UNC13C: variants seen among roughly 807,000 people sequenced by gnomAD.
The protein encoded by UNC13C is protein unc-13 homolog C.
In UNC13C, 174 loss-of-function variants were observed where a neutral mutation model predicts 245.4. The ratio of observed to expected loss-of-function variants is 0.71; its 90% CI spans 0.63 to 0.80. UNC13C has a LOEUF of 0.80. Among genes scored for constraint, UNC13C ranks in the 30% least tolerant of loss-of-function variants. UNC13C has a pLI of 0.00. For synonymous variants in UNC13C, 992 were observed against 895.1 expected (o/e 1.11, Z -1.93); for missense variants, 2,829 against 2,602.9 (o/e 1.09, Z -1.89).
chr15:54,221,593 G>A (rs1206316482), intron 4 of UNC13C, among the ~76,000 whole-genome samples: 7 of 151,824 alleles, frequency 4.6e-5, no homozygotes, highest in African/African-American at 1.7e-4. Flanking sequence ...ACAGAATAAA[G>A]TTGTATTAAA....
intron 8 of UNC13C, among the ~76,000 whole-genome samples, chr15:54,256,742 C>T (rs1011851451): frequency 1.3e-5 from 2 of 152,128 alleles, no homozygotes; most frequent in African/African-American, 4.8e-5. Context: ...TCAGGTATTC[C>T]TGAAGGCTTT....
intron 4 of UNC13C, among the ~76,000 whole-genome samples, chr15:54,166,339 T>C (rs924970452): frequency 2.6e-5 from 4 of 152,092 alleles, no homozygotes; most frequent in African/African-American, 9.7e-5. Context: ...ATATTACTTA[T>C]TCAATTATTT....
chr15:54,073,725 G>A (rs1422277461), intron 2 of UNC13C, among the ~76,000 whole-genome samples: 1 of 151,898 alleles, frequency 6.6e-6, no homozygotes, highest in African/African-American at 2.4e-5. Context: ...TTTTTGATGG[G>A]GTTGTTTTTT....
At chr15:54,142,993 C>G in intron 2 of UNC13C, 25 bp from the exon 3 acceptor site, 1 of 1,608,258 alleles carries the variant, frequency 6.2e-7, no homozygotes, top group Non-Finnish European at 8.5e-7. Flanking sequence ...AACATTTATC[C>G]CTTCTTTTCC....
At chr15:54,545,105 G>A in intron 26 of UNC13C, among the ~76,000 whole-genome samples, 1 of 152,094 alleles carries the variant, frequency 6.6e-6, no homozygotes, top group East Asian at 1.9e-4. Flanking sequence ...CAGATATATA[G>A]ACCAATGGAA....
rs771726938 is a variant in UNC13C at position 54,264,315 on chromosome 15, A to G, written c.3596A>G (p.Asp1199Gly). 7 of 1,605,728 alleles carry G rather than the reference A, an allele frequency of 4.4e-6. No individual in the cohort carries two copies. The highest frequency in any genetic ancestry group is 1.3e-5 in the African/African-American group (1 of 74,758). Residue 1199 changes from aspartate (D) to glycine (G), a missense_variant, in exon 9 of 33, where the codon GAT (aspartate) becomes GGT (glycine). Physicochemically the swap from Asp to Gly is moderately conservative, Grantham distance 94 (BLOSUM62 -1). Coordinates refer to ENST00000260323, the MANE Select transcript of UNC13C (RefSeq NM_001080534.3). ...IQEMFQISKE[D>G]FVQFTKAAKQ... ...GAAATGTTTCAGATTTCTAAAGAAG[A>G]TTTTGTGCAGTTTACAAAGGCGGCC... is the stretch of plus-strand genomic sequence containing the variant.
intron 7 of UNC13C, among the ~76,000 whole-genome samples, chr15:54,249,897 G>A (rs562620011): frequency 6.6e-6 from 1 of 152,146 alleles, no homozygotes; most frequent in Non-Finnish European, 1.5e-5. Flanking sequence ...GAGGCGTTGG[G>A]TTTACAGCAT....
intron 4 of UNC13C, among the ~76,000 whole-genome samples, chr15:54,164,630 T>C (rs1209297866): frequency 6.6e-6 from 1 of 152,242 alleles, no homozygotes; most frequent in African/African-American, 2.4e-5. Context: ...GCCGGGTTTC[T>C]AGAGCCATCA....
chr15:54,264,929 A>G (rs1198429921), intron 9 of UNC13C, among the ~76,000 whole-genome samples: 1 of 151,998 alleles, frequency 6.6e-6, no homozygotes, highest in East Asian at 1.9e-4. Context: ...TATTTACAAG[A>G]TAAAGAAAGA....
At chr15:54,278,570 C>G (rs1003612711) in intron 10 of UNC13C, among the ~76,000 whole-genome samples, 2 of 152,094 alleles carry the variant, frequency 1.3e-5, no homozygotes, top group African/African-American at 4.8e-5. Context: ...TGTACAATGC[C>G]GTTCTTCTCT....
intron 2 of UNC13C, among the ~76,000 whole-genome samples, chr15:54,064,826 T>C (rs147871242): frequency 9.2e-5 from 14 of 152,346 alleles, no homozygotes; most frequent in African/African-American, 3.4e-4. Flanking sequence ...TTAGAGGTTT[T>C]AATTTGCTTT....
chr15:54,544,117 C>G (rs572193027), intron 26 of UNC13C, among the ~76,000 whole-genome samples: 1 of 152,284 alleles, frequency 6.6e-6, no homozygotes, highest in African/African-American at 2.4e-5. Flanking sequence ...CGGATTCACC[C>G]CAGGATCCAA....
At position 54,085,184 on chromosome 15, in the gene UNC13C, G is replaced by A. The variant is rs150736814; in HGVS notation, c.2984-57834G>A. 4.7e-4 allele frequency among the ~76,000 whole-genome samples: 72 copies of A among 152,258 alleles called. 1 individual carries two copies. The highest frequency in any genetic ancestry group is 1.6e-3 in the African/African-American group (68 of 41,560). On this transcript the variant is annotated intron_variant, in intron 2 of 32. Transcript: ENST00000260323. Reference sequence around the variant, plus strand: ...TTTACAGATATCAGAGAACTAAGAAGCTAGTAGAGAGTTATAGGGCTAAGA... The same window carrying A: ...TTTACAGATATCAGAGAACTAAGAAACTAGTAGAGAGTTATAGGGCTAAGA...
At chr15:54,505,902 A>G (rs1490983564) in intron 22 of UNC13C, among the ~76,000 whole-genome samples, 1 of 152,076 alleles carries the variant, frequency 6.6e-6, no homozygotes, top group Non-Finnish European at 1.5e-5. Context: ...CCTTGTCTCT[A>G]AGCATAAATT....
At chr15:53,923,935 G>A in the UNC13C span, among the ~76,000 whole-genome samples, 8 of 152,334 alleles carry the variant, frequency 5.3e-5, no homozygotes, top group African/African-American at 1.9e-4. Context: ...GGCTGGGCGC[G>A]GTGGCTCGCG....
chr15:54,305,109 G>A (rs1020138549), intron 13 of UNC13C, among the ~76,000 whole-genome samples: 1 of 152,028 alleles, frequency 6.6e-6, no homozygotes, highest in East Asian at 1.9e-4. Context: ...TTCATAAGAA[G>A]TTCTTGATAC....
chr15:54,316,858 C>A (rs755189962), intron 13 of UNC13C, among the ~76,000 whole-genome samples: 4 of 151,948 alleles, frequency 2.6e-5, no homozygotes, highest in Non-Finnish European at 5.9e-5. Flanking sequence ...CCACCCAAAC[C>A]TTTTGGCTGC....
intron 7 of UNC13C, among the ~76,000 whole-genome samples, chr15:54,243,986 A>G (rs994413332): frequency 3.9e-5 from 6 of 152,146 alleles, no homozygotes; most frequent in Admixed American, 3.9e-4. Context: ...GTTAAATTAT[A>G]TCCCATTTGT....
chr15:54,250,954 C>T (rs564836992), intron 8 of UNC13C, among the ~76,000 whole-genome samples: 1 of 151,938 alleles, frequency 6.6e-6, no homozygotes, highest in African/African-American at 2.4e-5. Flanking sequence ...GACGGGGTTT[C>T]ATCCTGTTAG....
Sources: allele counts gnomAD v4.1 joint callset (sites outside exome capture counted in the v4.1 genomes callset), GRCh38; gene constraint gnomAD v4.1.1; transcripts MANE v1.5; gene names NCBI Gene and HGNC (gene_info 2026-07-23, HGNC 2026-07-21).